Variants in ASIC2 observed in about 807,000 individuals in gnomAD.
ASIC2 encodes acid sensing ion channel subunit 2.
ASIC2 carries 25 observed loss-of-function variants against 57.3 expected under a neutral mutation model. That is an observed-to-expected ratio of 0.44 (90% CI 0.32 to 0.61). The LOEUF (loss-of-function observed/expected upper bound fraction) is 0.61, where lower values mean the gene tolerates loss of function less well. Among genes scored for constraint, ASIC2 ranks in the 20% least tolerant of loss-of-function variants. The pLI, the probability that ASIC2 is intolerant of heterozygous loss-of-function variation, is 0.06. For missense variants in ASIC2, 641 were observed against 738.1 expected, an observed-to-expected ratio of 0.87 and a Z score of 1.52; for synonymous variants, 319 against 307.5, an observed-to-expected ratio of 1.04 and a Z score of -0.39.
At chr17:33,193,140 A>T (rs1312935563) in intron 1 of ASIC2, among the ~76,000 whole-genome samples, 3 of 152,328 alleles carry the variant, frequency 2.0e-5, no homozygotes, top group Middle Eastern at 3.4e-3. Flanking sequence ...AAGGTGTTTT[A>T]TCTGTTCATT....
At chr17:33,468,437 A>T (rs1406428017) in intron 1 of ASIC2, among the ~76,000 whole-genome samples, 1 of 152,168 alleles carries the variant, frequency 6.6e-6, no homozygotes, top group Admixed American at 6.5e-5. Flanking sequence ...GCATAAAAAC[A>T]TTTTGTTTTG....
chr17:34,118,813 CG>C (rs1426610525), intron 1 of ASIC2: 1 of 152,276 alleles, frequency 6.6e-6, no homozygotes, highest in Non-Finnish European at 1.5e-5. Flanking sequence ...ATCCAGGGAA[CG>C]GGTGCTCTAA....
chr17:33,488,218 G>A (rs984910692), intron 1 of ASIC2, among the ~76,000 whole-genome samples: 2 of 152,100 alleles, frequency 1.3e-5, no homozygotes, highest in African/African-American at 4.8e-5. Context: ...CCCCCACCCT[G>A]TTTGCTTTCC....
chr17:33,650,889 G>C (rs544593451), intron 1 of ASIC2, among the ~76,000 whole-genome samples: 1 of 152,306 alleles, frequency 6.6e-6, no homozygotes, highest in East Asian at 1.9e-4. Flanking sequence ...TCCTTGTGGT[G>C]ATAGAGGTAT....
At chr17:34,034,484 T>C (rs912261598) in intron 1 of ASIC2, among the ~76,000 whole-genome samples, 1 of 152,182 alleles carries the variant, frequency 6.6e-6, no homozygotes, top group African/African-American at 2.4e-5. Context: ...CCATTCCTAT[T>C]CAACATAGTC....
chr17:34,037,463 T>G (rs1361379444), intron 1 of ASIC2: 2 of 715,414 alleles, frequency 2.8e-6, no homozygotes, highest in Non-Finnish European at 4.4e-6. Flanking sequence ...TGAGAATCGA[T>G]GCTGTCATGC....
At chr17:33,447,937 A>G (rs1912090355) in intron 1 of ASIC2, among the ~76,000 whole-genome samples, 1 of 150,552 alleles carries the variant, frequency 6.6e-6, no homozygotes, top group African/African-American at 2.4e-5. Context: ...AAAAAAGAAA[A>G]GACAAATATT....
At chr17:33,470,206 C>T (rs1353971270) in intron 1 of ASIC2, among the ~76,000 whole-genome samples, 1 of 152,096 alleles carries the variant, frequency 6.6e-6, no homozygotes, top group Non-Finnish European at 1.5e-5. Context: ...GCCAGGACAC[C>T]ATAAACTGTG....
At chr17:33,492,918 C>T (rs757192846) in intron 1 of ASIC2, among the ~76,000 whole-genome samples, 4 of 152,212 alleles carry the variant, frequency 2.6e-5, no homozygotes, top group African/African-American at 9.7e-5. Context: ...GGCCCCCGTG[C>T]AGCCCTGCCC....
At chr17:34,031,938 G>T (rs1907632548) in intron 1 of ASIC2, among the ~76,000 whole-genome samples, 2 of 152,310 alleles carry the variant, frequency 1.3e-5, no homozygotes, top group East Asian at 1.9e-4. Context: ...AAAACACTCT[G>T]CAGGATATTA....
At chr17:34,055,644 G>T (rs564013507) in intron 1 of ASIC2, among the ~76,000 whole-genome samples, 1 of 151,770 alleles carries the variant, frequency 6.6e-6, no homozygotes, top group Non-Finnish European at 1.5e-5. Context: ...GAAATCACAC[G>T]GTATTTTCTT....
At chr17:33,549,221 T>C (rs1384072926) in intron 1 of ASIC2, among the ~76,000 whole-genome samples, 1 of 152,162 alleles carries the variant, frequency 6.6e-6, no homozygotes, top group Non-Finnish European at 1.5e-5. Context: ...AAGGTCCTTT[T>C]AGCGCGAACA....
chr17:33,592,602 G>C (rs1377308808), intron 1 of ASIC2, among the ~76,000 whole-genome samples: 6 of 152,252 alleles, frequency 3.9e-5, no homozygotes, highest in Non-Finnish European at 8.8e-5. Context: ...AATCTTGGAA[G>C]GTAGACTTAA....
intron 1 of ASIC2, among the ~76,000 whole-genome samples, chr17:34,074,855 G>A (rs752874326): frequency 1.4e-5 from 2 of 143,018 alleles, no homozygotes; most frequent in Non-Finnish European, 3.0e-5. Flanking sequence ...ACGCGATCTC[G>A]GCTCACCACA....
intron 1 of ASIC2, among the ~76,000 whole-genome samples, chr17:33,312,966 C>T (rs139869996): frequency 2.6e-5 from 4 of 152,274 alleles, no homozygotes; most frequent in African/African-American, 4.8e-5. Context: ...CAAAAACTCA[C>T]GATCTTCCAT....
At chr17:33,238,274 C>T (rs889565246) in intron 1 of ASIC2, among the ~76,000 whole-genome samples, 3 of 152,186 alleles carry the variant, frequency 2.0e-5, no homozygotes, top group South Asian at 4.1e-4. Flanking sequence ...TTTTGGACTA[C>T]GAGGCTGCTC....
chr17:33,473,926 C>T (rs542584849), intron 1 of ASIC2, among the ~76,000 whole-genome samples: 45 of 152,164 alleles, frequency 3.0e-4, no homozygotes, highest in Admixed American at 7.8e-4. Context: ...AAAATTCATT[C>T]GTCAATTATG....
chr17:33,964,208 T>G (rs1597952243), intron 1 of ASIC2, among the ~76,000 whole-genome samples: 1 of 152,216 alleles, frequency 6.6e-6, no homozygotes, highest in Admixed American at 6.5e-5. Context: ...TTTCAGTAGA[T>G]GCCTGTACAG....
intron 1 of ASIC2, among the ~76,000 whole-genome samples, chr17:34,081,291 G>T (rs749284901): frequency 2.0e-5 from 3 of 152,140 alleles, no homozygotes; most frequent in Admixed American, 6.5e-5. Context: ...CATTATAGTG[G>T]TAAGAAGGAA....
Sources: gnomAD v4.1 joint callset for allele counts (sites outside exome capture counted in the v4.1 genomes callset) on GRCh38, gnomAD v4.1.1 for gene constraint, MANE v1.5 for transcripts, NCBI Gene and HGNC (gene_info 2026-07-23, HGNC 2026-07-21) for gene names.